The following ADAMTSL1 variants were observed in gnomAD, a reference collection of about 807,000 sequenced individuals.
ADAMTSL1 encodes ADAMTS-like protein 1.
In ADAMTSL1, 126 loss-of-function variants were observed where a neutral mutation model predicts 201.8. The observed-to-expected ratio is 0.62, with a 90% CI of 0.54 to 0.72. ADAMTSL1 has a LOEUF of 0.72. ADAMTSL1 is among the 30% of genes least tolerant of loss of function. The pLI, the probability that ADAMTSL1 is intolerant of heterozygous loss-of-function variation, is 0.00. For missense variants in ADAMTSL1, 2,679 were observed against 2,277.8 expected (o/e 1.18, Z -3.59); for synonymous variants, 1,121 against 903.4 (o/e 1.24, Z -4.32).
intron 2 of ADAMTSL1, among the ~76,000 whole-genome samples, chr9:18,424,340 T>G (rs987704352): frequency 6.6e-6 from 1 of 152,194 alleles, no homozygotes; most frequent in African/African-American, 2.4e-5. Flanking sequence ...AGTGAATACT[T>G]TAGACCAAAT....
chr9:18,898,458 C>A (rs1829797560), intron 26 of ADAMTSL1, among the ~76,000 whole-genome samples: 1 of 152,082 alleles, frequency 6.6e-6, no homozygotes, highest in Admixed American at 6.5e-5. Flanking sequence ...GACAGGCAGA[C>A]AAGAATAGAG....
intron 2 of ADAMTSL1, among the ~76,000 whole-genome samples, chr9:18,435,870 G>T (rs908965150): frequency 1.3e-5 from 2 of 152,064 alleles, no homozygotes; most frequent in Non-Finnish European, 2.9e-5. Flanking sequence ...GGAAAGACCC[G>T]TCCCCATGAG....
chr9:18,029,947 T>C (rs981258749), intron 1 of ADAMTSL1, among the ~76,000 whole-genome samples: 144 of 151,616 alleles, frequency 9.5e-4, no homozygotes, highest in African/African-American at 3.0e-3. Flanking sequence ...ACACTGTTGG[T>C]GGGACTGTAA....
chr9:18,719,235 C>T (rs1833173070), intron 14 of ADAMTSL1, among the ~76,000 whole-genome samples: 1 of 151,934 alleles, frequency 6.6e-6, no homozygotes, highest in East Asian at 1.9e-4. Context: ...CTGAACTGGC[C>T]ATGATATATT....
At chr9:17,945,998 A>C (rs1827453287) in intron 1 of ADAMTSL1, among the ~76,000 whole-genome samples, 1 of 151,794 alleles carries the variant, frequency 6.6e-6, no homozygotes, top group African/African-American at 2.4e-5. Context: ...ATCTTCCACC[A>C]CATGTGATTT....
At chr9:18,442,133 A>G (rs1288090521) in intron 2 of ADAMTSL1, among the ~76,000 whole-genome samples, 1 of 152,228 alleles carries the variant, frequency 6.6e-6, no homozygotes, top group East Asian at 1.9e-4. Flanking sequence ...GAAATTCAAA[A>G]TATCTTCTGA....
chr9:17,945,218 C>T (rs1317888252), intron 1 of ADAMTSL1, among the ~76,000 whole-genome samples: 1 of 143,170 alleles, frequency 7.0e-6, no homozygotes, highest in East Asian at 2.0e-4. Flanking sequence ...TGAAAAAATG[C>T]TCACCATCAC....
intron 20 of ADAMTSL1, among the ~76,000 whole-genome samples, chr9:18,813,289 G>A (rs971070035): frequency 6.6e-6 from 1 of 152,062 alleles, no homozygotes; most frequent in Non-Finnish European, 1.5e-5. Flanking sequence ...TTCGCTCAAG[G>A]TTTCTTTGGC....
At chr9:18,075,565 A>G (rs893341186) in intron 1 of ADAMTSL1, among the ~76,000 whole-genome samples, 18 of 152,244 alleles carry the variant, frequency 1.2e-4, no homozygotes, top group African/African-American at 4.1e-4. Context: ...ATAGCACACT[A>G]AAATCATTTA....
At position 18,651,676 on chromosome 9, in the gene ADAMTSL1, C is replaced by G. The variant is rs371783260; in HGVS notation, c.835-5963C>G. On this transcript the variant is annotated intron_variant, in intron 7 of 28. Transcript: ENST00000380548. ...AGAGTGGCATCATTCCAATTGTTAC[C>G]AAAATTGCATCTTGGAGAATTCTAA... Among the ~76,000 whole-genome samples, 9 of 152,194 alleles carry G rather than the reference C, an allele frequency of 5.9e-5. No homozygotes were observed. In the East Asian group the frequency reaches 1.5e-3, roughly 26 times the overall value.
intron 1 of ADAMTSL1, among the ~76,000 whole-genome samples, chr9:17,995,558 A>G (rs866029395): frequency 6.6e-6 from 1 of 152,058 alleles, no homozygotes; most frequent in East Asian, 1.9e-4. Flanking sequence ...TCTGAACTAG[A>G]GAGAAAAGTG....
chr9:18,271,856 A>G (rs1832381697), intron 2 of ADAMTSL1, among the ~76,000 whole-genome samples: 1 of 152,020 alleles, frequency 6.6e-6, no homozygotes, highest in Non-Finnish European at 1.5e-5. Flanking sequence ...TGACTCTTTA[A>G]TGATCGCCAT....
chr9:18,578,673 A>C (rs1263738791), intron 4 of ADAMTSL1, among the ~76,000 whole-genome samples: 1 of 152,232 alleles, frequency 6.6e-6, no homozygotes, highest in African/African-American at 2.4e-5. Context: ...AGTGCTTACT[A>C]TGCCGCAATA....
chr9:17,962,440 T>A (rs1817793066), intron 1 of ADAMTSL1, among the ~76,000 whole-genome samples: 1 of 152,212 alleles, frequency 6.6e-6, no homozygotes, highest in Non-Finnish European at 1.5e-5. Context: ...GAGTGGATTT[T>A]CTGGCATTTT....
intron 2 of ADAMTSL1, among the ~76,000 whole-genome samples, chr9:18,252,564 A>G (rs1182216919): frequency 6.6e-6 from 1 of 152,208 alleles, no homozygotes; most frequent in African/African-American, 2.4e-5. Flanking sequence ...TTGTTATACT[A>G]TTGTTTAAGA....
chr9:18,337,428 T>G (rs1835287873), intron 2 of ADAMTSL1, among the ~76,000 whole-genome samples: 1 of 152,212 alleles, frequency 6.6e-6, no homozygotes, highest in African/African-American at 2.4e-5. Context: ...TACTCCTTAA[T>G]AAACTCCCTT....
rs146651543 is a variant in ADAMTSL1 at position 18,272,265 on chromosome 9, A to T, written c.207+108284A>T. Among the ~76,000 whole-genome samples the T allele has an allele frequency of 7.6e-3, 1,153 of 152,280 alleles. 12 individuals carry two copies. Among genetic ancestry groups the T allele is most frequent in the Non-Finnish European group, 0.011 (752 of 68,026 alleles). ...TACTGGTACCAAAACAGAGATATAA[A>T]CCAATGGAACAGAACAGAGCCCTCA... On this transcript the variant is annotated intron_variant, in intron 2 of 29. Coordinates refer to the ADAMTSL1 transcript ENST00000680146.
intron 1 of ADAMTSL1, among the ~76,000 whole-genome samples, chr9:18,098,739 G>T (rs1824361807): frequency 6.6e-6 from 1 of 152,170 alleles, no homozygotes; most frequent in South Asian, 2.1e-4. Context: ...CCTTCTTTGT[G>T]CCTCTCTCTA....
chr9:18,708,815 A>G (rs1832382740), intron 14 of ADAMTSL1, among the ~76,000 whole-genome samples: 1 of 152,260 alleles, frequency 6.6e-6, no homozygotes, highest in Admixed American at 6.5e-5. Flanking sequence ...GAAAAAATAG[A>G]TACAGTAATG....
Sources: gnomAD v4.1 joint callset for allele counts (sites outside exome capture counted in the v4.1 genomes callset) on GRCh38, gnomAD v4.1.1 for gene constraint, MANE v1.5 for transcripts, NCBI Gene and HGNC (gene_info 2026-07-23, HGNC 2026-07-21) for gene names.